Variants in KCTD1 observed in about 807,000 individuals in gnomAD.
KCTD1 encodes the protein BTB/POZ domain-containing protein KCTD1.
In KCTD1, 24 loss-of-function variants were observed where a neutral mutation model predicts 66.0. That is an observed-to-expected ratio of 0.36 (90% CI 0.26 to 0.51). The LOEUF is 0.51. Among genes scored for constraint, KCTD1 ranks in the 20% least tolerant of loss-of-function variants. The pLI is 0.95. For synonymous variants in KCTD1, 511 were observed against 517.2 expected, an observed-to-expected ratio of 0.99 and a Z score of 0.16; for missense variants, 943 against 1,205.2, an observed-to-expected ratio of 0.78 and a Z score of 3.22.
At chr18:26,592,810 G>A (rs924639674) in intron 1 of KCTD1, among the ~76,000 whole-genome samples, 3 of 152,324 alleles carry the variant, frequency 2.0e-5, no homozygotes, top group South Asian at 4.1e-4. Context: ...ATGGGGGCAA[G>A]TTTTAGAAGC....
At chr18:26,481,619 G>T (rs1981652867) in intron 2 of KCTD1, among the ~76,000 whole-genome samples, 2 of 152,184 alleles carry the variant, frequency 1.3e-5, no homozygotes, top group Non-Finnish European at 2.9e-5. Context: ...GCACATTTAG[G>T]AGTGAGACAG....
chr18:26,656,429 A>C (rs955163017), intron 1 of KCTD1, among the ~76,000 whole-genome samples: 30 of 152,068 alleles, frequency 2.0e-4, no homozygotes, highest in Non-Finnish European at 4.0e-4. Context: ...TTTAAAAATA[A>C]ATGAAACGTT....
chr18:26,479,338 T>C (rs1438110096), intron 2 of KCTD1, among the ~76,000 whole-genome samples: 2 of 151,802 alleles, frequency 1.3e-5, no homozygotes, highest in Non-Finnish European at 2.9e-5. Context: ...ATTTTTCTTA[T>C]GAGGGGGTCC....
chr18:26,649,893 A>C (rs988010382), intron 1 of KCTD1, among the ~76,000 whole-genome samples: 2 of 152,206 alleles, frequency 1.3e-5, no homozygotes, highest in African/African-American at 4.8e-5. Flanking sequence ...AATGTGTGTC[A>C]CTGCCATCTG....
upstream of KCTD1, among the ~76,000 whole-genome samples, chr18:26,630,404 C>T (rs74337969): frequency 5.8e-3 from 883 of 152,288 alleles, 15 homozygotes; most frequent in African/African-American, 0.02. Context: ...CAGCCTCAAA[C>T]TCCTGGGCTC....
At chr18:26,480,895 C>T (rs1336341529) in intron 2 of KCTD1, among the ~76,000 whole-genome samples, 2 of 152,188 alleles carry the variant, frequency 1.3e-5, no homozygotes, top group African/African-American at 2.4e-5. Flanking sequence ...TCCCTGGCAT[C>T]GTGTGCTGTC....
rs1481843257 is a variant in KCTD1, at chr18:26,459,501, A to G, written c.2439+119T>C. The G allele has an allele frequency of 1.4e-5, 13 of 931,502 alleles. 1 individual carries two copies. The Middle Eastern group carries it at 9.3e-4, about 67-fold the overall frequency. 57.7% of individuals were successfully genotyped at this position (931,502 alleles called of 1,614,324 possible). A position where few individuals can be genotyped will look rare whatever the true frequency, so the allele number is the denominator to read the frequency against. ...GAGGGTGATAATTCACCTACCCAAC[A>G]GAAGTGTCACTGAGTGAGTTTCTAA... On this transcript the variant is annotated intron_variant, in intron 4 of 4. Coordinates refer to ENST00000580059, the MANE Select transcript of KCTD1 (RefSeq NM_001142730.3).
chr18:26,506,746 A>T (rs182819281), intron 1 of KCTD1, among the ~76,000 whole-genome samples: 125 of 152,366 alleles, frequency 8.2e-4, no homozygotes, highest in African/African-American at 2.9e-3. Context: ...AGAGCTGTCC[A>T]TAGAACTTTC....
At chr18:26,558,339 C>G (rs1239631096) in intron 1 of KCTD1, among the ~76,000 whole-genome samples, 1 of 152,156 alleles carries the variant, frequency 6.6e-6, no homozygotes, top group African/African-American at 2.4e-5. Context: ...AGAGGGAATG[C>G]TTGTATGCTG....
At chr18:26,613,840 CT>C (rs1987190340) in intron 1 of KCTD1, among the ~76,000 whole-genome samples, 1 of 152,152 alleles carries the variant, frequency 6.6e-6, no homozygotes, top group Non-Finnish European at 1.5e-5. Context: ...ATATCGGGGC[CT>C]TTGCACATAT....
chr18:26,555,882 T>C (rs73944624), intron 1 of KCTD1, among the ~76,000 whole-genome samples: 20,429 of 152,200 alleles, frequency 0.13, 1,839 homozygotes, highest in African/African-American at 0.25. Flanking sequence ...CGTATTTCAA[T>C]ATCTTCATGA....
intron 1 of KCTD1, among the ~76,000 whole-genome samples, chr18:26,504,651 G>A (rs1982938133): frequency 6.6e-6 from 1 of 152,116 alleles, no homozygotes; most frequent in Non-Finnish European, 1.5e-5. Context: ...GGGATTACAG[G>A]TGTGAGCCAC....
At chr18:26,482,480 C>T (rs868338804) in intron 2 of KCTD1, among the ~76,000 whole-genome samples, 1 of 152,158 alleles carries the variant, frequency 6.6e-6, no homozygotes, top group South Asian at 2.1e-4. Flanking sequence ...TCTCCACTTA[C>T]CTTGCAGCTC....
chr18:26,490,839 GC>G (rs1418291907), intron 2 of KCTD1, among the ~76,000 whole-genome samples: 1 of 147,096 alleles, frequency 6.8e-6, no homozygotes, highest in African/African-American at 2.5e-5. Flanking sequence ...TGCAATCTCC[GC>G]CTCCCGGGCT....
intron 1 of KCTD1, among the ~76,000 whole-genome samples, chr18:26,536,063 T>G (rs921075142): frequency 9.2e-5 from 14 of 151,830 alleles, no homozygotes; most frequent in African/African-American, 3.4e-4. Context: ...ACTAAGCCCT[T>G]GGAATGAAAT....
chr18:26,547,622 C>T lies in KCTD1; in HGVS notation c.915G>A (p.Gly305=). The T allele has an allele frequency of 6.4e-7, 1 of 1,551,584 alleles. No homozygotes were observed. Among genetic ancestry groups the T allele is most frequent in the East Asian group, 2.4e-5 (1 of 40,904 alleles). The part of the protein sequence containing the change: ...SSVFSTNTPF[G]LLNKVWFETC... ...TCTCGAACCAGACCTTGTTGAGCAG[C>T]CCGAAGGGCGTGTTGGTGCTGAAGA... Residue 305 remains glycine (G), a synonymous_variant, in exon 1 of 5, where the codon GGG becomes GGA. Transcript: ENST00000580059.
intron 1 of KCTD1, among the ~76,000 whole-genome samples, chr18:26,523,915 A>G (rs191727095): frequency 3.7e-4 from 57 of 152,328 alleles, no homozygotes; most frequent in African/African-American, 1.2e-3. Context: ...GGGTCTGAGC[A>G]CACTCACTGC....
chr18:26,521,537 A>T (rs1983909867), intron 1 of KCTD1, among the ~76,000 whole-genome samples: 1 of 152,224 alleles, frequency 6.6e-6, no homozygotes. Context: ...TGTCTCCTAC[A>T]GGGCTACGGG....
chr18:26,600,757 G>C, intron 1 of KCTD1, among the ~76,000 whole-genome samples: 1 of 151,716 alleles, frequency 6.6e-6, no homozygotes, highest in South Asian at 2.1e-4. Flanking sequence ...TTTCAGAGTT[G>C]ATAGTTTACT....
Sources: allele counts gnomAD v4.1 joint callset (sites outside exome capture counted in the v4.1 genomes callset), GRCh38; gene constraint gnomAD v4.1.1; transcripts MANE v1.5; gene names NCBI Gene and HGNC (gene_info 2026-07-23, HGNC 2026-07-21).